The following PRKN variants were observed in gnomAD, a reference collection of about 807,000 sequenced individuals.
The protein encoded by PRKN is E3 ubiquitin-protein ligase parkin.
In PRKN, 56 loss-of-function variants were observed where a neutral mutation model predicts 59.5. The ratio of observed to expected loss-of-function variants is 0.94; its 90% CI spans 0.76 to 1.18. The LOEUF (loss-of-function observed/expected upper bound fraction) is 1.18. Ranked by LOEUF, PRKN falls within the 50% of genes most tolerant of loss-of-function variation. The pLI is 0.00. For synonymous variants in PRKN, 250 were observed against 222.1 expected (o/e 1.13, Z -1.12); for missense variants, 657 against 596.4 (o/e 1.10, Z -1.06).
chr6:161,627,989 C>T lies in PRKN; in HGVS notation c.872-58573G>A, dbSNP rs898461430. On this transcript the variant is annotated intron_variant, in intron 7 of 11. Coordinates refer to ENST00000366898, the MANE Select transcript of PRKN (RefSeq NM_004562.3). ...TTTGCTTTGTGGGCAGCTGCAAAAT[C>T]GGTATTAGCCAAAACAAACTGATAA... is the stretch of plus-strand genomic sequence containing the variant. 3.3e-5 allele frequency among the ~76,000 whole-genome samples: 5 copies of T among 151,912 alleles called. No homozygotes were observed. The South Asian group carries it at 6.2e-4, about 19-fold the overall frequency.
intron 5 of PRKN, among the ~76,000 whole-genome samples, chr6:161,990,834 T>G (rs570459792): frequency 6.6e-6 from 1 of 152,154 alleles, no homozygotes; most frequent in Non-Finnish European, 1.5e-5. Context: ...AAAGCCTATT[T>G]AACAAAATAA....
chr6:162,006,943 A>AG (rs11448895), intron 5 of PRKN, among the ~76,000 whole-genome samples: 84,811 of 151,796 alleles, frequency 0.56, 23,847 homozygotes, highest in Admixed American at 0.62. Flanking sequence ...GAAGAGCGCC[A>AG]GCACATTGTA....
At chr6:161,874,183 A>C (rs1425240511) in intron 6 of PRKN, among the ~76,000 whole-genome samples, 1 of 64,396 alleles carries the variant, frequency 1.6e-5, no homozygotes, top group African/African-American at 7.2e-5. Flanking sequence ...TATATATTAT[A>C]TATAATATAT....
Position 161,371,878 on chromosome 6 carries a change from A to G in PRKN, c.1168-11673T>C, listed in dbSNP as rs1326011674. On this transcript the variant is annotated intron_variant, in intron 10 of 11. Transcript: ENST00000366898. The surrounding 1 kb of genome is among the most constrained non-coding windows in gnomAD (Gnocchi z 5.5). ...GATCTCGAATTCTTGACCTCAGGTG[A>G]TCTGCCTGCCTCGGCCTCCCAAAGT... Among the ~76,000 whole-genome samples, 1 of 152,152 alleles carries G rather than the reference A, an allele frequency of 6.6e-6. No homozygotes were observed. Among genetic ancestry groups the G allele is most frequent in the East Asian group, 1.9e-4 (1 of 5,176 alleles).
chr6:161,807,370 C>T (rs1479060817), intron 6 of PRKN, among the ~76,000 whole-genome samples: 4 of 152,158 alleles, frequency 2.6e-5, no homozygotes, highest in African/African-American at 9.7e-5. Context: ...CACATGCATA[C>T]ACGCACAGAG....
At position 161,527,417 on chromosome 6, in the gene PRKN, C is replaced by A. The variant is rs2115374013; in HGVS notation, c.1083+21437G>T. Among the ~76,000 whole-genome samples the A allele has an allele frequency of 6.6e-6, 1 of 152,276 alleles. No homozygotes were observed. The highest frequency in any genetic ancestry group is 6.5e-5 in the Admixed American group (1 of 15,302). ...ACACAAACAATTCCACCTATAAGGC[C>A]AGAAGGGCTGGGAAACAGGGCATTT... On this transcript the variant is annotated intron_variant, in intron 9 of 11. Transcript: ENST00000366898. This position sits in a 1 kb window ranked among gnomAD's most constrained non-coding sequence, Gnocchi z 4.6.
At chr6:161,543,857 C>A (rs1390711001) in intron 9 of PRKN, among the ~76,000 whole-genome samples, 1 of 152,108 alleles carries the variant, frequency 6.6e-6, no homozygotes, top group East Asian at 1.9e-4. Context: ...ATAATGTATT[C>A]CATATTTTGT....
chr6:161,394,331 G>A (rs1786649610), intron 9 of PRKN, among the ~76,000 whole-genome samples: 1 of 152,118 alleles, frequency 6.6e-6, no homozygotes, highest in South Asian at 2.1e-4. Context: ...ATTTTCAGGA[G>A]GCTGGATACA....
chr6:162,556,364 T>TGTGTGTGTGTGTGTGC lies in PRKN; in HGVS notation c.8-112892_8-112891insGCACACACACACACAC, dbSNP rs1554243422. ...GCTGGTGTGTGTGTGTGTGTGTGTG[T>TGTGTGTGTGTGTGTGC]GTGTGTGTGTGTGTGTGTGTGTGTG... is the stretch of plus-strand genomic sequence containing the variant. On this transcript the variant is annotated intron_variant, in intron 1 of 11. Transcript: ENST00000366898. 1.9e-3 allele frequency among the ~76,000 whole-genome samples: 169 copies of TGTGTGTGTGTGTGTGC among 91,240 alleles called. 1 individual carries two copies. The highest frequency in any genetic ancestry group is 0.01 in the Admixed American group (84 of 8,302). 59.9% of individuals were successfully genotyped at this position (91,240 alleles called of 152,430 possible).
chr6:162,481,817 A>T (rs1339032522), intron 1 of PRKN, among the ~76,000 whole-genome samples: 1 of 152,200 alleles, frequency 6.6e-6, no homozygotes. Context: ...AAAACAAGAA[A>T]TACATGCGTG....
chr6:162,008,376 A>C (rs1782344872), intron 5 of PRKN, among the ~76,000 whole-genome samples: 1 of 152,122 alleles, frequency 6.6e-6, no homozygotes, highest in Non-Finnish European at 1.5e-5. Flanking sequence ...TGAGCTTCTT[A>C]CTGATTTTGG....
chr6:162,244,712 G>A (rs536911333), intron 3 of PRKN, among the ~76,000 whole-genome samples: 2 of 152,032 alleles, frequency 1.3e-5, no homozygotes, highest in Admixed American at 6.6e-5. Context: ...TTGCATCAGG[G>A]TATATGGAAT....
At position 161,376,422 on chromosome 6, in the gene PRKN, T is replaced by A. The variant is rs1785704221; in HGVS notation, c.1167+10372A>T. Among the ~76,000 whole-genome samples the A allele has an allele frequency of 6.6e-6, 1 of 152,230 alleles. No individual in the cohort carries two copies. The stretch of plus-strand genomic sequence containing the variant: ...CCTCTTCCAGCCAATGGCACCACCA[T>A]CGTTCTAAGCTAGACATTCATGCAT... On this transcript the variant is annotated intron_variant, in intron 10 of 11. Transcript: ENST00000366898. The surrounding 1 kb of genome is among the most constrained non-coding windows in gnomAD (Gnocchi z 7.3).
chr6:161,672,052 ATGCCAAGC>A (rs1188981489), intron 7 of PRKN, among the ~76,000 whole-genome samples: 3 of 152,160 alleles, frequency 2.0e-5, no homozygotes, highest in Non-Finnish European at 4.4e-5. Flanking sequence ...ATGATATGTC[ATGCCAAGC>A]TGAGTTCAAC....
intron 2 of PRKN, among the ~76,000 whole-genome samples, chr6:162,327,990 C>T (rs1010126931): frequency 5.9e-5 from 9 of 152,200 alleles, no homozygotes; most frequent in Non-Finnish European, 1.2e-4. Flanking sequence ...TGGGCATTTA[C>T]GTGGGCAGGG....
chr6:161,646,990 C>G (rs947509154), intron 7 of PRKN, among the ~76,000 whole-genome samples: 1 of 152,128 alleles, frequency 6.6e-6, no homozygotes, highest in Non-Finnish European at 1.5e-5. Context: ...TGGCTCTGAA[C>G]TACAATAAGA....
At chr6:162,267,546 A>C (rs1780195391) in intron 2 of PRKN, among the ~76,000 whole-genome samples, 1 of 152,208 alleles carries the variant, frequency 6.6e-6, no homozygotes, top group Non-Finnish European at 1.5e-5. Context: ...TTCTCCAATA[A>C]ATAAAATATT....
At chr6:162,553,750 C>A (rs543601512) in intron 1 of PRKN, among the ~76,000 whole-genome samples, 2 of 121,194 alleles carry the variant, frequency 1.7e-5, no homozygotes, top group Admixed American at 1.1e-4. Flanking sequence ...TGCAGTGAGA[C>A]GAGATTGCAT....
chr6:162,053,973 G>C (rs1777754326), intron 5 of PRKN, 118 bp downstream of exon 5: 1 of 808,468 alleles, frequency 1.2e-6, no homozygotes, highest in Non-Finnish European at 2.2e-6. Flanking sequence ...AACACTTTTG[G>C]CAAACATTAT....
Sources: allele counts gnomAD v4.1 joint callset (sites outside exome capture counted in the v4.1 genomes callset), GRCh38; gene constraint gnomAD v4.1.1; non-coding constraint Gnocchi (gnomAD v3.1); transcripts MANE v1.5; gene names NCBI Gene and HGNC (gene_info 2026-07-23, HGNC 2026-07-21).